DLGAP1: variants seen among roughly 807,000 people sequenced by gnomAD.
DLGAP1 encodes disks large-associated protein 1.
Under a neutral mutation model 90.8 loss-of-function variants are expected in DLGAP1, and 11 were observed. That is an observed-to-expected ratio of 0.12 (90% CI 0.08 to 0.20). The LOEUF (loss-of-function observed/expected upper bound fraction) is 0.20. Among genes scored for constraint, DLGAP1 ranks in the 10% least tolerant of loss-of-function variants. DLGAP1 has a pLI of 1.00. For synonymous variants in DLGAP1, 558 were observed against 540.7 expected (o/e 1.03, Z -0.44); for missense variants, 1,050 against 1,333.8 (o/e 0.79, Z 3.31).
In DLGAP1 at chr18:4,170,020, G is replaced by A. The variant is rs540075916; in HGVS notation, c.-266-18733C>T. Among the ~76,000 whole-genome samples, 8 of 152,260 alleles carry A rather than the reference G, an allele frequency of 5.3e-5. No homozygotes were observed. The South Asian group carries it at 6.2e-4, about 12-fold the overall frequency. On this transcript the variant is annotated intron_variant, in intron 1 of 12. Transcript: ENST00000315677. ...TGAGGCAATGCAGTGAGGGATGGGC[G>A]GGGACAGACTGTTAGGGACTATTTA...
intron 7 of DLGAP1, among the ~76,000 whole-genome samples, chr18:3,717,816 G>A (rs2061817861): frequency 6.6e-6 from 1 of 152,106 alleles, no homozygotes; most frequent in South Asian, 2.1e-4. Context: ...GCTAATTGCT[G>A]AACCACTGCA....
At chr18:3,908,519 T>C (rs750226657) in intron 3 of DLGAP1, among the ~76,000 whole-genome samples, 4 of 152,166 alleles carry the variant, frequency 2.6e-5, no homozygotes, top group Admixed American at 6.5e-5. Context: ...CATTTGTATT[T>C]TCAGAATGTT....
At chr18:3,858,768 C>T (rs1270247316) in intron 4 of DLGAP1, among the ~76,000 whole-genome samples, 2 of 152,072 alleles carry the variant, frequency 1.3e-5, no homozygotes, top group African/African-American at 4.8e-5. Context: ...GATTCTTCTG[C>T]TCTAAAAAGC....
At chr18:3,994,575 G>A (rs1047445083) in intron 3 of DLGAP1, among the ~76,000 whole-genome samples, 1 of 152,178 alleles carries the variant, frequency 6.6e-6, no homozygotes, top group Non-Finnish European at 1.5e-5. Flanking sequence ...AAACCTGGAT[G>A]CTTGCCACTA....
At chr18:3,726,515 G>C (rs1400991035) in intron 7 of DLGAP1, among the ~76,000 whole-genome samples, 1 of 151,862 alleles carries the variant, frequency 6.6e-6, no homozygotes, top group African/African-American at 2.4e-5. Context: ...AGAATGAAGG[G>C]CATAGACCCT....
intron 5 of DLGAP1, among the ~76,000 whole-genome samples, chr18:3,766,550 T>C (rs1242354298): frequency 6.6e-6 from 1 of 151,950 alleles, no homozygotes; most frequent in African/African-American, 2.4e-5. Flanking sequence ...ATGGAACATA[T>C]ACCAAAATAG....
chr18:3,688,337 A>C (rs2060772611), intron 7 of DLGAP1, among the ~76,000 whole-genome samples: 1 of 152,192 alleles, frequency 6.6e-6, no homozygotes, highest in Non-Finnish European at 1.5e-5. Flanking sequence ...AACCAGACAA[A>C]GATGTGAGAT....
intron 1 of DLGAP1, among the ~76,000 whole-genome samples, chr18:4,227,539 T>A (rs978229538): frequency 6.6e-6 from 1 of 151,798 alleles, no homozygotes; most frequent in East Asian, 1.9e-4. Context: ...AAATCAATAA[T>A]GAGAAATTTT....
chr18:4,381,617 T>C (rs2082121322), intron 1 of DLGAP1, among the ~76,000 whole-genome samples: 2 of 152,018 alleles, frequency 1.3e-5, no homozygotes, highest in Admixed American at 6.6e-5. Flanking sequence ...GACAATGGAG[T>C]CCCCCGTTTC....
chr18:4,188,054 T>A (rs1028169129), intron 1 of DLGAP1, among the ~76,000 whole-genome samples: 1 of 152,050 alleles, frequency 6.6e-6, no homozygotes, highest in African/African-American at 2.4e-5. Context: ...TTTTATTGTT[T>A]TAAGAAAAAA....
chr18:3,870,628 CTA>C (rs2070693840), intron 4 of DLGAP1, among the ~76,000 whole-genome samples: 1 of 151,978 alleles, frequency 6.6e-6, no homozygotes. Flanking sequence ...ATCTATCTAT[CTA>C]TCTATCTATC....
At chr18:4,198,457 G>A (rs72860620) in intron 1 of DLGAP1, among the ~76,000 whole-genome samples, 3,509 of 150,302 alleles carry the variant, frequency 0.023, 56 homozygotes, top group Non-Finnish European at 0.037. Context: ...ATGGGTCCAC[G>A]AAACAATTAA....
intron 1 of DLGAP1, among the ~76,000 whole-genome samples, chr18:4,254,672 T>C (rs2078851430): frequency 6.6e-6 from 1 of 152,002 alleles, no homozygotes; most frequent in Non-Finnish European, 1.5e-5. Flanking sequence ...AATATGCATG[T>C]TTTTGTGTTC....
intron 5 of DLGAP1, among the ~76,000 whole-genome samples, chr18:3,795,309 GTTTTC>G: frequency 6.6e-6 from 1 of 152,102 alleles, no homozygotes; most frequent in East Asian, 1.9e-4. Flanking sequence ...GTCCTCATCT[GTTTTC>G]TTTTCTCTTT....
At chr18:3,623,211 TAA>T (rs1378214367) in intron 7 of DLGAP1, among the ~76,000 whole-genome samples, 1 of 152,156 alleles carries the variant, frequency 6.6e-6, no homozygotes, top group Non-Finnish European at 1.5e-5. Context: ...AGCATTGATT[TAA>T]GAGAGTTGTT....
intron 1 of DLGAP1, among the ~76,000 whole-genome samples, chr18:4,388,196 G>C (rs907400860): frequency 6.6e-6 from 1 of 152,016 alleles, no homozygotes; most frequent in Non-Finnish European, 1.5e-5. Context: ...GCTAAAGAGT[G>C]TTAAGAAATG....
At chr18:4,113,368 A>G (rs1005855097) in intron 2 of DLGAP1, among the ~76,000 whole-genome samples, 2 of 152,072 alleles carry the variant, frequency 1.3e-5, no homozygotes, top group Non-Finnish European at 2.9e-5. Flanking sequence ...AGTGATGTTG[A>G]ACTTTTTTCG....
intron 1 of DLGAP1, among the ~76,000 whole-genome samples, chr18:4,412,388 TGC>T (rs1377188017): frequency 2.0e-5 from 3 of 152,200 alleles, no homozygotes; most frequent in African/African-American, 7.2e-5. Flanking sequence ...AGATAGCAAG[TGC>T]CCTCATCAAG....
chr18:3,632,359 T>C (rs573168359), intron 7 of DLGAP1, among the ~76,000 whole-genome samples: 38 of 151,812 alleles, frequency 2.5e-4, no homozygotes, highest in African/African-American at 8.7e-4. Flanking sequence ...TGGAGTGCAG[T>C]GGACCGATCT....
Sources: allele counts gnomAD v4.1 joint callset (sites outside exome capture counted in the v4.1 genomes callset), GRCh38; gene constraint gnomAD v4.1.1; transcripts MANE v1.5; gene names NCBI Gene and HGNC (gene_info 2026-07-23, HGNC 2026-07-21).